Variants in FOXP1 observed in about 807,000 individuals in gnomAD.
The protein encoded by FOXP1 is forkhead box P1, also known as forkhead box protein P1.
FOXP1 carries 15 observed loss-of-function variants against 98.2 expected under a neutral mutation model. The observed-to-expected ratio is 0.15, with a 90% CI of 0.10 to 0.24. The LOEUF (loss-of-function observed/expected upper bound fraction) is 0.24. Ranked by LOEUF, FOXP1 falls within the 10% of genes least tolerant of loss-of-function variation. FOXP1 has a pLI of 1.00. For synonymous variants in FOXP1, 371 were observed against 314.5 expected, an observed-to-expected ratio of 1.18 and a Z score of -1.90; for missense variants, 633 against 848.5, an observed-to-expected ratio of 0.75 and a Z score of 3.15.
At chr3:70,967,687 G>GTTTTTTTTTTTTTTTTTTTTTTTTT (rs67711426) in intron 19 of FOXP1, among the ~76,000 whole-genome samples, 4 of 61,358 alleles carry the variant, frequency 6.5e-5, no homozygotes, top group Non-Finnish European at 9.8e-5. Flanking sequence ...ACTATTATTT[G>GTTTTTTTTTTTTTTTTTTTTTTTTT]TTTTTTTTTT....
At position 71,105,746 on chromosome 3, in the gene FOXP1, C is replaced by G. The variant is rs191439350; in HGVS notation, c.282+6790G>C. Among the ~76,000 whole-genome samples, 40 of 151,952 alleles carry G rather than the reference C, an allele frequency of 2.6e-4. No individual in the cohort carries two copies. The East Asian group carries it at 7.2e-3, about 27-fold the overall frequency. Reference sequence around the variant, plus strand: ...TGCTGTTGTTGATCACCTTTCTGTCCCCACCACACACACAGACACACACAG... The same window carrying G: ...TGCTGTTGTTGATCACCTTTCTGTCGCCACCACACACACAGACACACACAG... On this transcript the variant is annotated intron_variant, in intron 7 of 20. Transcript: ENST00000649528.
chr3:71,419,854 G>A (rs773704073), intron 3 of FOXP1, among the ~76,000 whole-genome samples: 3 of 151,604 alleles, frequency 2.0e-5, no homozygotes, highest in South Asian at 2.1e-4. Context: ...TGCTCTTGTC[G>A]CCCAGGCTAG....
chr3:71,142,142 CAAAAA>C (rs5849992), intron 6 of FOXP1, among the ~76,000 whole-genome samples: 2 of 150,586 alleles, frequency 1.3e-5, no homozygotes, highest in Non-Finnish European at 3.0e-5. Context: ...TGTTGACAAA[CAAAAA>C]AAAAAACCTG....
intron 7 of FOXP1, among the ~76,000 whole-genome samples, chr3:71,081,344 G>T (rs1268810405): frequency 2.0e-5 from 3 of 152,102 alleles, no homozygotes; most frequent in African/African-American, 7.2e-5. Context: ...TTAAGAAAAA[G>T]ACACAGAATC....
intron 4 of FOXP1, among the ~76,000 whole-genome samples, chr3:71,302,107 A>G (rs2073895257): frequency 6.6e-6 from 1 of 152,234 alleles, no homozygotes; most frequent in Admixed American, 6.5e-5. Flanking sequence ...TTGGCCACTC[A>G]TTAATTTATT....
chr3:71,514,721 C>G (rs1031309313), intron 2 of FOXP1, among the ~76,000 whole-genome samples: 1 of 152,216 alleles, frequency 6.6e-6, no homozygotes, highest in Non-Finnish European at 1.5e-5. Flanking sequence ...TCAGCAAATA[C>G]CCAGCACGTA....
At chr3:71,201,896 T>C (rs1168256334) in intron 5 of FOXP1, among the ~76,000 whole-genome samples, 1 of 152,200 alleles carries the variant, frequency 6.6e-6, no homozygotes, top group African/African-American at 2.4e-5. Context: ...ATATAAACTC[T>C]ATCCCTGCCC....
chr3:71,561,119 C>A (rs531652981), intron 2 of FOXP1, among the ~76,000 whole-genome samples: 2 of 152,028 alleles, frequency 1.3e-5, no homozygotes, highest in African/African-American at 4.8e-5. Context: ...TGTAGTGGCA[C>A]GATCTCGGCT....
rs534691598 is a variant in FOXP1 at position 70,977,936 on chromosome 3, G to C, written c.1240C>G (p.Leu414Val). ...PHTPTTPTAP[L>V]TPVTQGPSVI... Reference sequence around the variant, plus strand: ...GAGGGGCCTTGGGTGACGGGAGTCAGGGGGGCGGTTGGGGTCGTTGGAGTA... The same window carrying C: ...GAGGGGCCTTGGGTGACGGGAGTCACGGGGGCGGTTGGGGTCGTTGGAGTA... The change falls in exon 15 of 21, where the codon CTG (leucine) becomes GTG (valine). Residue 414 changes from leucine (L) to valine (V), a missense_variant. This residue lies in a region of FOXP1 where 141 missense variants were observed against 199.5 expected (regional missense o/e 0.71). Transcript: ENST00000649528. The C allele has an allele frequency of 1.2e-5, 19 of 1,613,946 alleles. No individual in the cohort carries two copies. The highest frequency in any genetic ancestry group is 1.5e-5 in the Non-Finnish European group (18 of 1,179,940).
At chr3:71,449,363 T>C (rs2086729125) in intron 3 of FOXP1, among the ~76,000 whole-genome samples, 1 of 152,196 alleles carries the variant, frequency 6.6e-6, no homozygotes, top group African/African-American at 2.4e-5. Flanking sequence ...GTGGCTCCCC[T>C]TAATCCGGTG....
At chr3:71,333,148 C>T (rs556902379) in intron 4 of FOXP1, 3 of 152,146 alleles carry the variant, frequency 2.0e-5, no homozygotes, top group African/African-American at 7.2e-5. Context: ...GAATCAAAAT[C>T]AAAAAGGACA....
At chr3:71,286,373 AG>A (rs2072141817) in intron 5 of FOXP1, among the ~76,000 whole-genome samples, 1 of 146,402 alleles carries the variant, frequency 6.8e-6, no homozygotes, top group African/African-American at 2.6e-5. Flanking sequence ...ATAGAAACTC[AG>A]TAACTACTTA....
Position 71,551,336 on chromosome 3 carries a change from A to T in FOXP1, c.-298+30213T>A, listed in dbSNP as rs532508586. 1.1e-4 allele frequency among the ~76,000 whole-genome samples: 17 copies of T among 152,370 alleles called. No homozygotes were observed. The South Asian group carries it at 3.5e-3, about 32-fold the overall frequency. On this transcript the variant is annotated intron_variant, in intron 2 of 20. Transcript: ENST00000649528. ...ATTTCTACTTGTTGATTCTGAACAC[A>T]ACAATATTTAACTATCTTTTCCCCA...
intron 6 of FOXP1, among the ~76,000 whole-genome samples, chr3:71,168,297 A>G (rs1418512908): frequency 3.8e-5 from 5 of 131,804 alleles, no homozygotes; most frequent in African/African-American, 1.4e-4. Context: ...GAATGAGTTT[A>G]AAAGAAAAAA....
At position 70,972,682 on chromosome 3, in the gene FOXP1, G is replaced by A. The variant is rs767129660; in HGVS notation, c.1531-6C>T. ...AGATTATGACGCACTGCATTCTGCA[G>A]CAAGTATAAAAGAGAGAACATTTAC... is the stretch of plus-strand genomic sequence containing the variant. On this transcript the variant is annotated splice_polypyrimidine_tract_variant and splice_region_variant and intron_variant, in intron 17 of 20. Coordinates refer to ENST00000649528, the MANE Select transcript of FOXP1 (RefSeq NM_001349338.3). The A allele has an allele frequency of 1.8e-4, 292 of 1,613,798 alleles. No homozygotes were observed. The highest frequency in any genetic ancestry group is 2.4e-4 in the Non-Finnish European group (283 of 1,179,814).
intron 4 of FOXP1, among the ~76,000 whole-genome samples, chr3:71,352,326 C>A (rs1419872693): frequency 1.3e-5 from 2 of 151,900 alleles, no homozygotes; most frequent in Admixed American, 1.3e-4. Context: ...ATTAGCCAGG[C>A]ATGGTGGCAT....
rs577208779 is a variant in FOXP1, at chr3:71,450,153, C to T, written c.-168+43273G>A. Among the ~76,000 whole-genome samples the T allele has an allele frequency of 2.2e-4, 34 of 152,264 alleles. No individual in the cohort carries two copies. The South Asian group carries it at 3.9e-3, about 18-fold the overall frequency. ...GGAAGACAAAGAAAAATCACACCTG[C>T]GTATTAGAGTCAATGTGTTTATGTT... On this transcript the variant is annotated intron_variant, in intron 3 of 20. Coordinates refer to ENST00000649528, the MANE Select transcript of FOXP1 (RefSeq NM_001349338.3).
intron 3 of FOXP1, among the ~76,000 whole-genome samples, chr3:71,410,716 T>C (rs537731246): frequency 2.5e-4 from 38 of 152,362 alleles, no homozygotes; most frequent in African/African-American, 9.1e-4. Context: ...GGATGTATCA[T>C]GGAAGAATCA....
intron 3 of FOXP1, among the ~76,000 whole-genome samples, chr3:71,389,129 T>C (rs1284808501): frequency 3.3e-5 from 5 of 151,528 alleles, no homozygotes; most frequent in Non-Finnish European, 7.4e-5. Context: ...TGAGGCAACA[T>C]TCCATCACTT....
Sources: allele counts gnomAD v4.1 joint callset (sites outside exome capture counted in the v4.1 genomes callset), GRCh38; gene constraint gnomAD v4.1.1; regional missense constraint gnomAD v4.1.1; transcripts MANE v1.5; gene names NCBI Gene and HGNC (gene_info 2026-07-23, HGNC 2026-07-21).